ASAP1: variants seen among roughly 807,000 people sequenced by gnomAD.
The protein encoded by ASAP1 is ArfGAP with SH3 domain, ankyrin repeat and PH domain 1, also known as arf-GAP with SH3 domain, ANK repeat and PH domain-containing protein 1.
A neutral mutation model predicts 145.2 loss-of-function variants in ASAP1; 43 were observed. That is an observed-to-expected ratio of 0.30 (90% CI 0.23 to 0.38). ASAP1 has a LOEUF of 0.38. ASAP1 is among the 10% of genes least tolerant of loss of function. The probability of loss-of-function intolerance (pLI) is 1.00; values close to 1 mark genes in which losing one functional copy is unlikely to be tolerated. For synonymous variants in ASAP1, 546 were observed against 515.5 expected (o/e 1.06, Z -0.80); for missense variants, 1,018 against 1,355.3 (o/e 0.75, Z 3.91).
intron 24 of ASAP1, among the ~76,000 whole-genome samples, chr8:130,095,377 C>A (rs912295785): frequency 5.5e-5 from 8 of 145,558 alleles, no homozygotes; most frequent in African/African-American, 1.8e-4. Context: ...CTTGGCTCAC[C>A]GTGACCTCCC....
At chr8:130,067,498 A>T (rs2097433122) in intron 27 of ASAP1, among the ~76,000 whole-genome samples, 1 of 152,178 alleles carries the variant, frequency 6.6e-6, no homozygotes, top group Non-Finnish European at 1.5e-5. Flanking sequence ...TGGGTCCAAG[A>T]GATCCTCCAG....
chr8:130,287,216 GC>G (rs1440146809), intron 3 of ASAP1, among the ~76,000 whole-genome samples: 1 of 152,190 alleles, frequency 6.6e-6, no homozygotes, highest in Non-Finnish European at 1.5e-5. Flanking sequence ...AAAGCACAGT[GC>G]CTGGAACTAG....
chr8:130,195,931 G>A (rs1815454805), intron 5 of ASAP1, among the ~76,000 whole-genome samples: 1 of 152,142 alleles, frequency 6.6e-6, no homozygotes, highest in African/African-American at 2.4e-5. Context: ...TAAAAGAAAT[G>A]ATCTCACTTA....
chr8:130,357,529 G>A (rs1171770953), intron 3 of ASAP1, among the ~76,000 whole-genome samples: 1 of 152,366 alleles, frequency 6.6e-6, no homozygotes, highest in East Asian at 1.9e-4. Context: ...GGTCCTCTGG[G>A]ATTTTTCCAA....
At chr8:130,390,472 A>G (rs1431863219) in intron 2 of ASAP1, among the ~76,000 whole-genome samples, 1 of 152,236 alleles carries the variant, frequency 6.6e-6, no homozygotes, top group Middle Eastern at 3.2e-3. Flanking sequence ...AACTGTATTT[A>G]AGGCATAATA....
chr8:130,214,575 G>C lies in ASAP1; in HGVS notation c.386C>G (p.Ser129Cys), dbSNP rs771915000. ...TCTTACCAGATTTTTCAGCAGTGTG[G>C]ACAGTTCCTTTGTAAGAGTAGAAAA... ...VKFSTLTKEL[S>C]TLLKNLLQGL... is the part of the protein sequence containing the mutation. The change falls in exon 5 of 30, where the codon TCC becomes TGC. Residue 129 changes from serine to cysteine, a missense_variant. Ser to Cys is a moderately radical substitution (Grantham distance 112, BLOSUM62 -1). Around this residue, in one of 9 missense-constraint regions of ASAP1, gnomAD observed 78 missense variants for 161.0 expected, o/e 0.48. Coordinates refer to ENST00000518721, the MANE Select transcript of ASAP1 (RefSeq NM_018482.4). 4 of 1,608,720 alleles carry C rather than the reference G, an allele frequency of 2.5e-6. No individual in the cohort carries two copies. The South Asian group carries it at 4.5e-5, about 18-fold the overall frequency.
intron 2 of ASAP1, among the ~76,000 whole-genome samples, chr8:130,372,021 T>C (rs955258480): frequency 2.6e-5 from 4 of 152,230 alleles, no homozygotes; most frequent in Non-Finnish European, 4.4e-5. Flanking sequence ...TTTGGGATTG[T>C]ATATTTAAGA....
At chr8:130,169,783 A>G (rs184109640) in intron 9 of ASAP1, among the ~76,000 whole-genome samples, 1 of 152,334 alleles carries the variant, frequency 6.6e-6, no homozygotes, top group Non-Finnish European at 1.5e-5. Context: ...TCCATTTGTA[A>G]AACTGAGGTA....
At position 130,108,728 on chromosome 8, in the gene ASAP1, A is replaced by T. The variant is rs370369085; in HGVS notation, c.2401+3366T>A. The stretch of plus-strand genomic sequence containing the variant: ...TTAATCTTAATCAAAGGTTAAAAAG[A>T]AACTAATCTTGGCAAGCCTCAAAAA... On this transcript the variant is annotated intron_variant, in intron 24 of 29. Coordinates refer to ENST00000518721, the MANE Select transcript of ASAP1 (RefSeq NM_018482.4). Among the ~76,000 whole-genome samples the T allele has an allele frequency of 1.9e-4, 29 of 150,942 alleles. No homozygotes were observed. The East Asian group carries it at 5.4e-3, about 28-fold the overall frequency.
chr8:130,263,509 T>C (rs908702879), intron 3 of ASAP1, among the ~76,000 whole-genome samples: 1 of 152,208 alleles, frequency 6.6e-6, no homozygotes, highest in African/African-American at 2.4e-5. Context: ...GAAGACATCC[T>C]TGAGAGACAC....
intron 3 of ASAP1, among the ~76,000 whole-genome samples, chr8:130,306,936 C>G (rs757861520): frequency 8.5e-5 from 13 of 152,222 alleles, no homozygotes; most frequent in Non-Finnish European, 1.6e-4. Flanking sequence ...AGTGTCTGTA[C>G]TAGCTCCCTC....
At chr8:130,060,502 G>A (rs2097416724) in intron 28 of ASAP1, 77 bp downstream of exon 28, 3 of 1,511,716 alleles carry the variant, frequency 2.0e-6, no homozygotes, top group African/African-American at 1.4e-5. Context: ...TCTTGTGTAA[G>A]TTGGAGCACC....
At chr8:130,334,747 T>C (rs1400611863) in intron 3 of ASAP1, among the ~76,000 whole-genome samples, 1 of 152,212 alleles carries the variant, frequency 6.6e-6, no homozygotes, top group Non-Finnish European at 1.5e-5. Context: ...GTACTTTTTA[T>C]ACTACAACAT....
At chr8:130,319,807 T>C (rs909879339) in intron 3 of ASAP1, among the ~76,000 whole-genome samples, 1 of 152,214 alleles carries the variant, frequency 6.6e-6, no homozygotes, top group African/African-American at 2.4e-5. Flanking sequence ...CAGAATATTA[T>C]GTAGTCATGA....
intron 2 of ASAP1, among the ~76,000 whole-genome samples, chr8:130,381,443 CAT>C (rs35717171): frequency 0.1 from 15,299 of 152,138 alleles, 896 homozygotes; most frequent in South Asian, 0.27. Context: ...TCTTTGAAAA[CAT>C]ATATTTTAGA....
chr8:130,412,685 T>A (rs1488141915), intron 1 of ASAP1, among the ~76,000 whole-genome samples: 1 of 151,946 alleles, frequency 6.6e-6, no homozygotes, highest in East Asian at 1.9e-4. Context: ...GGAGTCTTGC[T>A]TTGTCACCCA....
At chr8:130,210,473 A>G (rs1288280592) in intron 5 of ASAP1, among the ~76,000 whole-genome samples, 2 of 152,210 alleles carry the variant, frequency 1.3e-5, no homozygotes, top group African/African-American at 4.8e-5. Context: ...TGAGGTCCTA[A>G]AACCAAAAAG....
At chr8:130,083,827 C>T (rs1269129056) in intron 25 of ASAP1, 2 of 152,154 alleles carry the variant, frequency 1.3e-5, no homozygotes, top group East Asian at 3.8e-4. Context: ...GAGTTTTGCT[C>T]TTGTTGCCCA....
At chr8:130,142,825 A>C (rs1367538589) in intron 13 of ASAP1, among the ~76,000 whole-genome samples, 1 of 152,148 alleles carries the variant, frequency 6.6e-6, no homozygotes. Context: ...TGACTCTGGC[A>C]ATCTACTGGA....
Sources: allele counts gnomAD v4.1 joint callset (sites outside exome capture counted in the v4.1 genomes callset), GRCh38; gene constraint gnomAD v4.1.1; regional missense constraint gnomAD v4.1.1; transcripts MANE v1.5; gene names NCBI Gene and HGNC (gene_info 2026-07-23, HGNC 2026-07-21).